The following HSPBAP1 variants were observed in gnomAD, a reference collection of about 807,000 sequenced individuals.
HSPBAP1 encodes HSPB1-associated protein 1.
A neutral mutation model predicts 45.2 loss-of-function variants in HSPBAP1; 27 were observed. The ratio of observed to expected loss-of-function variants is 0.60; its 90% confidence interval spans 0.44 to 0.82. The LOEUF is 0.82. Among genes scored for constraint, HSPBAP1 ranks in the 40% least tolerant of loss-of-function variants. The pLI, the probability that HSPBAP1 is intolerant of heterozygous loss-of-function variation, is 0.00. For synonymous variants in HSPBAP1, 204 were observed against 202.7 expected, an observed-to-expected ratio of 1.01 and a Z score of -0.06; for missense variants, 510 against 590.9, an observed-to-expected ratio of 0.86 and a Z score of 1.42.
intron 6 of HSPBAP1, among the ~76,000 whole-genome samples, chr3:122,746,473 C>T (rs1933858154): frequency 6.6e-6 from 1 of 150,904 alleles, no homozygotes; most frequent in African/African-American, 2.4e-5. Flanking sequence ...AAAATAGACC[C>T]AGATATGTTC....
intron 1 of HSPBAP1, among the ~76,000 whole-genome samples, chr3:122,788,994 C>T (rs1199357219): frequency 6.6e-6 from 1 of 152,086 alleles, no homozygotes; most frequent in East Asian, 1.9e-4. Flanking sequence ...CTCATCAATA[C>T]CAAGCATTCA....
At chr3:122,756,889 C>G (rs1002137889) in intron 4 of HSPBAP1, among the ~76,000 whole-genome samples, 5 of 152,096 alleles carry the variant, frequency 3.3e-5, no homozygotes, top group Non-Finnish European at 2.9e-5. Context: ...TATTGATATG[C>G]TTCGAATGTT....
chr3:122,778,552 C>G (rs1166160507), intron 1 of HSPBAP1, among the ~76,000 whole-genome samples: 1 of 144,974 alleles, frequency 6.9e-6, no homozygotes, highest in African/African-American at 2.6e-5. Context: ...GACGGAGTCT[C>G]GCTCTCTCGC....
At chr3:122,790,782 G>A (rs1935802070) in intron 1 of HSPBAP1, among the ~76,000 whole-genome samples, 1 of 152,082 alleles carries the variant, frequency 6.6e-6, no homozygotes, top group South Asian at 2.1e-4. Flanking sequence ...AGGAGTTCGA[G>A]ACCAGCCTAC....
intron 1 of HSPBAP1, among the ~76,000 whole-genome samples, chr3:122,789,684 T>C (rs1404119656): frequency 2.0e-5 from 3 of 152,158 alleles, no homozygotes; most frequent in South Asian, 4.1e-4. Context: ...TATAAAACTT[T>C]ATTGAAACTA....
At chr3:122,758,775 T>TAGTC (rs1934445624) in intron 4 of HSPBAP1, 1 of 454,454 alleles carries the variant, frequency 2.2e-6, no homozygotes, top group Non-Finnish European at 4.4e-6. Context: ...CACACACCTG[T>TAGTC]AGTCCTAGAT....
At chr3:122,755,710 A>G (rs747176710) in intron 4 of HSPBAP1, among the ~76,000 whole-genome samples, 2 of 151,690 alleles carry the variant, frequency 1.3e-5, no homozygotes, top group Non-Finnish European at 1.5e-5. Flanking sequence ...AATCTAGTTC[A>G]TAAGATCATT....
Position 122,752,605 on chromosome 3 carries a change from A to G in HSPBAP1, c.811T>C (p.Ser271Pro). The G allele has an allele frequency of 6.3e-7, 1 of 1,576,420 alleles. No homozygotes were observed. Among genetic ancestry groups the G allele is most frequent in the Non-Finnish European group, 8.6e-7 (1 of 1,157,682 alleles). Residue 271 changes from serine to proline, a missense_variant, in exon 6 of 8, where the codon TCA (serine) becomes CCA (proline). Coordinates refer to ENST00000306103, the MANE Select transcript of HSPBAP1 (RefSeq NM_024610.6). ...SIDPVTVSIN[S>P]WIELEEDHLA... ...CGAAAAAGTACCAGTTCAATCCATGAGTTTATACTGACAGTGACAGGATCA... is the reference window on the plus strand; with the variant it reads ...CGAAAAAGTACCAGTTCAATCCATGGGTTTATACTGACAGTGACAGGATCA...
chr3:122,753,498 C>T lies in HSPBAP1; in HGVS notation c.742-824G>A, dbSNP rs148479821. ...GTCTGAGAAGGACAGGAGATACTTGCAAAGGTCCACTTATTAAACGTTAAG... is the reference window on the plus strand; with the variant it reads ...GTCTGAGAAGGACAGGAGATACTTGTAAAGGTCCACTTATTAAACGTTAAG... On this transcript the variant is annotated intron_variant, in intron 5 of 7. Coordinates refer to ENST00000306103, the MANE Select transcript of HSPBAP1 (RefSeq NM_024610.6). 206 of 982,370 alleles carry T rather than the reference C, an allele frequency of 2.1e-4. No homozygotes were observed. The African/African-American group carries it at 3.5e-3, about 17-fold the overall frequency. The allele number at this position is 982,370 out of a possible 1,614,324, so 60.9% of individuals were successfully genotyped here.
chr3:122,748,157 C>A (rs529224264), intron 6 of HSPBAP1, among the ~76,000 whole-genome samples: 1 of 152,274 alleles, frequency 6.6e-6, no homozygotes, highest in Non-Finnish European at 1.5e-5. Context: ...GCAAGATGTG[C>A]TTTGTTAAAC....
At chr3:122,767,073 A>G (rs1576256573) in intron 3 of HSPBAP1, among the ~76,000 whole-genome samples, 1 of 152,348 alleles carries the variant, frequency 6.6e-6, no homozygotes, top group East Asian at 1.9e-4. Flanking sequence ...AAAGAACCAT[A>G]AAGTGATCAC....
At chr3:122,780,240 C>G (rs1576271176) in intron 1 of HSPBAP1, among the ~76,000 whole-genome samples, 1 of 57,476 alleles carries the variant, frequency 1.7e-5, no homozygotes, top group African/African-American at 5.8e-5. Flanking sequence ...GGGGGCTGAC[C>G]CCCCCACCTC....
chr3:122,748,147 G>A (rs1269562294), intron 6 of HSPBAP1, among the ~76,000 whole-genome samples: 4 of 152,192 alleles, frequency 2.6e-5, no homozygotes, highest in African/African-American at 9.7e-5. Context: ...TAAGGGTGGT[G>A]CAAGATGTGC....
At chr3:122,770,680 GAC>G (rs1018199733) in intron 2 of HSPBAP1, among the ~76,000 whole-genome samples, 7 of 152,082 alleles carry the variant, frequency 4.6e-5, no homozygotes, top group African/African-American at 1.4e-4. Flanking sequence ...CAGCCTGGGT[GAC>G]ACAGTGAGAT....
intron 3 of HSPBAP1, among the ~76,000 whole-genome samples, chr3:122,760,362 C>CA (rs1414503703): frequency 1.3e-3 from 179 of 137,458 alleles, no homozygotes; most frequent in South Asian, 3.0e-3. Context: ...AAAATAAAAG[C>CA]AAAAAAAAAA....
At chr3:122,770,304 A>G (rs564458559) in intron 2 of HSPBAP1, among the ~76,000 whole-genome samples, 52 of 152,376 alleles carry the variant, frequency 3.4e-4, no homozygotes, top group African/African-American at 1.1e-3. Flanking sequence ...TATCTAAAAG[A>G]TTAAAATGTA....
At chr3:122,774,261 C>G (rs1935110771) in intron 2 of HSPBAP1, among the ~76,000 whole-genome samples, 1 of 152,034 alleles carries the variant, frequency 6.6e-6, no homozygotes, top group Non-Finnish European at 1.5e-5. Flanking sequence ...AATAGTCACA[C>G]CTGATTTGGG....
intron 1 of HSPBAP1, among the ~76,000 whole-genome samples, chr3:122,779,232 G>A (rs1232278086): frequency 6.6e-5 from 10 of 151,206 alleles, no homozygotes; most frequent in Admixed American, 5.9e-4. Context: ...TAGTAGAGAC[G>A]GGCTTTCACC....
At chr3:122,779,504 A>C (rs1473418312) in intron 1 of HSPBAP1, among the ~76,000 whole-genome samples, 3 of 135,014 alleles carry the variant, frequency 2.2e-5, no homozygotes, top group African/African-American at 7.6e-5. Flanking sequence ...TTATTTATTT[A>C]TTTATTTATT....
Sources: allele counts gnomAD v4.1 joint callset (sites outside exome capture counted in the v4.1 genomes callset), GRCh38; gene constraint gnomAD v4.1.1; transcripts MANE v1.5; gene names NCBI Gene and HGNC (gene_info 2026-07-23, HGNC 2026-07-21).